The following CSRNP3 variants were observed in gnomAD, a reference collection of about 807,000 sequenced individuals.
CSRNP3 encodes the protein cysteine/serine-rich nuclear protein 3.
Under a neutral mutation model 48.0 loss-of-function variants are expected in CSRNP3, and 12 were observed. The observed-to-expected ratio is 0.25, with a 90% CI of 0.16 to 0.41. The LOEUF (loss-of-function observed/expected upper bound fraction) is 0.41. CSRNP3 is among the 10% of genes least tolerant of loss of function. CSRNP3 has a pLI of 1.00. For synonymous variants in CSRNP3, 263 were observed against 269.7 expected, an observed-to-expected ratio of 0.98 and a Z score of 0.24; for missense variants, 580 against 724.4, an observed-to-expected ratio of 0.80 and a Z score of 2.29.
chr2:165,668,401 C>CTTTTTT (rs71393687), intron 5 of CSRNP3, among the ~76,000 whole-genome samples: 130 of 111,486 alleles, frequency 1.2e-3, no homozygotes, highest in African/African-American at 1.8e-3. Flanking sequence ...TTCTTTCTTT[C>CTTTTTT]TTTTTTTTTT....
chr2:165,638,567 GA>G (rs1686672022), intron 4 of CSRNP3, among the ~76,000 whole-genome samples: 2 of 152,074 alleles, frequency 1.3e-5, no homozygotes, highest in African/African-American at 4.8e-5. Flanking sequence ...GATGCTTTCT[GA>G]AAATGTTGTA....
At chr2:165,625,624 A>C (rs1686418173) in intron 4 of CSRNP3, among the ~76,000 whole-genome samples, 1 of 147,188 alleles carries the variant, frequency 6.8e-6, no homozygotes, top group African/African-American at 2.5e-5. Flanking sequence ...ACAGAGTGAG[A>C]TTCTGTCAAA....
rs996437794 is a variant in CSRNP3, at chr2:165,644,223, T to G, written c.149-13538T>G. Among the ~76,000 whole-genome samples the G allele has an allele frequency of 5.3e-5, 8 of 152,142 alleles. No homozygotes were observed. The South Asian group carries it at 1.2e-3, about 24-fold the overall frequency. On this transcript the variant is annotated intron_variant, in intron 4 of 6. Transcript: ENST00000651982. ...TAAAATATAGCATATTTCAAATGGTTTCTAATGCAAAAGTTATGTGTACCC... is the reference window on the plus strand; with the variant it reads ...TAAAATATAGCATATTTCAAATGGTGTCTAATGCAAAAGTTATGTGTACCC...
chr2:165,667,006 G>A (rs148358239), intron 5 of CSRNP3, among the ~76,000 whole-genome samples: 9 of 37,172 alleles, frequency 2.4e-4, no homozygotes, highest in East Asian at 9.1e-4. Flanking sequence ...AGAGAGAGAG[G>A]AAGGAAGGAA....
Position 165,681,399 on chromosome 2 carries a change from T to C in CSRNP3, c.*1646T>C, listed in dbSNP as rs900422324. ...GTTTAGAATTATGGATATAAATATATTGTAGATCTCAATTTCTAAAAAAAA... is the reference window on the plus strand; with the variant it reads ...GTTTAGAATTATGGATATAAATATACTGTAGATCTCAATTTCTAAAAAAAA... On this transcript the variant is annotated 3_prime_UTR_variant, in exon 7 of 7. Coordinates refer to ENST00000651982, the MANE Select transcript of CSRNP3 (RefSeq NM_001172173.2). 6.7e-6 allele frequency: 1 copy of C among 148,808 alleles called. No individual in the cohort carries two copies. The highest frequency in any genetic ancestry group is 2.5e-5 in the African/African-American group (1 of 40,276). The allele number at this position is 148,808 out of a possible 1,614,324, so 9.2% of individuals were successfully genotyped here. A position where few individuals can be genotyped will look rare whatever the true frequency, so the allele number is the denominator to read the frequency against.
At position 165,596,871 on chromosome 2, in the gene CSRNP3, C is replaced by T. The variant is rs187157391; in HGVS notation, c.148+1658C>T. Among the ~76,000 whole-genome samples the T allele has an allele frequency of 2.6e-5, 4 of 152,276 alleles. 1 individual carries two copies. In the East Asian group the frequency reaches 7.7e-4, roughly 29 times the overall value. ...AATTAAAAATTATGATCATAGCTTA[C>T]ATTTATTGGATACAGACTATGCTCC... is the stretch of plus-strand genomic sequence containing the variant. On this transcript the variant is annotated intron_variant, in intron 4 of 6. Coordinates refer to ENST00000651982, the MANE Select transcript of CSRNP3 (RefSeq NM_001172173.2).
At chr2:165,492,971 C>T (rs1238833868) in intron 1 of CSRNP3, among the ~76,000 whole-genome samples, 3 of 146,234 alleles carry the variant, frequency 2.1e-5, no homozygotes, top group Admixed American at 1.4e-4. Context: ...TGGTGTTCAG[C>T]GTAGAGGCCG....
At chr2:165,665,954 C>A (rs112538024) in intron 5 of CSRNP3, among the ~76,000 whole-genome samples, 41 of 105,752 alleles carry the variant, frequency 3.9e-4, no homozygotes, top group South Asian at 1.6e-3. Flanking sequence ...GAAGGAAGGA[C>A]GGAAGGAAAG....
At chr2:165,651,943 A>C (rs1686918577) in intron 4 of CSRNP3, among the ~76,000 whole-genome samples, 1 of 152,124 alleles carries the variant, frequency 6.6e-6, no homozygotes, top group Non-Finnish European at 1.5e-5. Context: ...GGCGTGAGCC[A>C]CTGCACCCGG....
At chr2:165,529,628 T>C (rs1360471354) in intron 3 of CSRNP3, among the ~76,000 whole-genome samples, 1 of 152,236 alleles carries the variant, frequency 6.6e-6, no homozygotes, top group African/African-American at 2.4e-5. Context: ...TATACACACA[T>C]GCATAGGAGT....
rs1332198104 is a variant in CSRNP3, at chr2:165,491,923, A to G, written c.-282-2836A>G. Among the ~76,000 whole-genome samples, 4 of 146,300 alleles carry G rather than the reference A, an allele frequency of 2.7e-5. No homozygotes were observed. The East Asian group carries it at 6.3e-4, about 23-fold the overall frequency. ...TATGTAACTAACCTGCACAATGTAC[A>G]CATGTACCCTAAAACTTAAAGTATA... is the stretch of plus-strand genomic sequence containing the variant. On this transcript the variant is annotated intron_variant, in intron 1 of 6. Coordinates refer to ENST00000651982, the MANE Select transcript of CSRNP3 (RefSeq NM_001172173.2).
intron 3 of CSRNP3, among the ~76,000 whole-genome samples, chr2:165,568,554 TC>T (rs1256187808): frequency 6.6e-6 from 1 of 152,086 alleles, no homozygotes; most frequent in African/African-American, 2.4e-5. Flanking sequence ...GGGCAGTGAA[TC>T]CTCTTACATG....
chr2:165,555,616 A>G (rs1472563040), intron 3 of CSRNP3, among the ~76,000 whole-genome samples: 3 of 152,116 alleles, frequency 2.0e-5, no homozygotes, highest in Admixed American at 6.5e-5. Flanking sequence ...TACTTTGCCT[A>G]CTCATTGATG....
At chr2:165,585,109 G>A (rs1685606172) in intron 3 of CSRNP3, among the ~76,000 whole-genome samples, 1 of 151,618 alleles carries the variant, frequency 6.6e-6, no homozygotes, top group Non-Finnish European at 1.5e-5. Flanking sequence ...GGAATGAAAA[G>A]GATTTAATTT....
intron 3 of CSRNP3, among the ~76,000 whole-genome samples, chr2:165,560,476 C>T (rs377430334): frequency 3.3e-5 from 5 of 152,106 alleles, no homozygotes; most frequent in Non-Finnish European, 7.4e-5. Flanking sequence ...TTCCTGCATC[C>T]TCTTCTGTCG....
chr2:165,582,330 A>G (rs996211336), intron 3 of CSRNP3, among the ~76,000 whole-genome samples: 18 of 152,250 alleles, frequency 1.2e-4, no homozygotes, highest in Admixed American at 4.6e-4. Context: ...GAGGCTATCT[A>G]ACCACCTTTT....
chr2:165,587,650 T>C (rs1426566365), intron 3 of CSRNP3, among the ~76,000 whole-genome samples: 1 of 152,240 alleles, frequency 6.6e-6, no homozygotes, highest in Admixed American at 6.5e-5. Context: ...AGTTCCTGTT[T>C]CCTGAGTTTT....
chr2:165,489,271 C>A (rs1222240297), intron 1 of CSRNP3, among the ~76,000 whole-genome samples: 1 of 150,216 alleles, frequency 6.7e-6, no homozygotes, highest in African/African-American at 2.5e-5. Context: ...TCTGAATAGA[C>A]CAATAACAGG....
chr2:165,526,024 C>T (rs1023239921), intron 3 of CSRNP3, among the ~76,000 whole-genome samples: 17 of 152,220 alleles, frequency 1.1e-4, no homozygotes, highest in Non-Finnish European at 5.9e-5. Flanking sequence ...ATTGACTTTG[C>T]ATTTTTGTCA....
Sources: gnomAD v4.1 joint callset for allele counts (sites outside exome capture counted in the v4.1 genomes callset) on GRCh38, gnomAD v4.1.1 for gene constraint, MANE v1.5 for transcripts, NCBI Gene and HGNC (gene_info 2026-07-23, HGNC 2026-07-21) for gene names.